TAFA2: variants seen among roughly 807,000 people sequenced by gnomAD.
The protein encoded by TAFA2 is TAFA chemokine like family member 2, also known as chemokine-like protein TAFA-2.
Under a neutral mutation model 18.8 loss-of-function variants are expected in TAFA2, and 7 were observed. The observed-to-expected ratio is 0.37, with a 90% confidence interval of 0.21 to 0.70. The LOEUF (loss-of-function observed/expected upper bound fraction) is 0.70, where lower values mean the gene tolerates loss of function less well. Ranked by LOEUF, TAFA2 falls within the 30% of genes least tolerant of loss-of-function variation. TAFA2 has a pLI of 0.53. For missense variants in TAFA2, 122 were observed against 158.1 expected, an observed-to-expected ratio of 0.77 and a Z score of 1.23; for synonymous variants, 60 against 54.2, an observed-to-expected ratio of 1.11 and a Z score of -0.47.
chr12:61,746,169 C>G (rs1311685994), intron 4 of TAFA2, among the ~76,000 whole-genome samples: 2 of 152,058 alleles, frequency 1.3e-5, no homozygotes, highest in African/African-American at 4.8e-5. Context: ...CCATGCTGTT[C>G]TCATGATAGT....
intron 1 of TAFA2, among the ~76,000 whole-genome samples, chr12:61,875,613 T>C (rs1179624247): frequency 6.6e-6 from 1 of 152,146 alleles, no homozygotes; most frequent in Non-Finnish European, 1.5e-5. Flanking sequence ...TGCAATTTAA[T>C]ATGAAATGTA....
chr12:61,716,051 T>C (rs545698764), intron 4 of TAFA2, among the ~76,000 whole-genome samples: 3 of 152,328 alleles, frequency 2.0e-5, no homozygotes, highest in Admixed American at 2.0e-4. Flanking sequence ...TATTAGCATC[T>C]GCATCATAGA....
At chr12:61,955,674 A>G (rs1221073096) in intron 1 of TAFA2, among the ~76,000 whole-genome samples, 1 of 122,758 alleles carries the variant, frequency 8.1e-6, no homozygotes, top group Non-Finnish European at 1.6e-5. Flanking sequence ...TATATATTTA[A>G]TTTTAAAAAT....
chr12:62,095,416 G>A (rs933377293), intron 1 of TAFA2, among the ~76,000 whole-genome samples: 3 of 152,114 alleles, frequency 2.0e-5, no homozygotes, highest in African/African-American at 7.2e-5. Flanking sequence ...TGGGTGGTTA[G>A]GAAAGGTCTA....
intron 4 of TAFA2, among the ~76,000 whole-genome samples, chr12:61,746,532 T>C (rs78821021): frequency 0.02 from 3,056 of 152,184 alleles, 119 homozygotes; most frequent in African/African-American, 0.07. Flanking sequence ...CAAAGCCCTG[T>C]TGTGAAAAGG....
At chr12:62,099,408 T>C (rs1015389137) in intron 1 of TAFA2, among the ~76,000 whole-genome samples, 2 of 152,038 alleles carry the variant, frequency 1.3e-5, no homozygotes, top group African/African-American at 4.8e-5. Context: ...TAATAGAGAG[T>C]TATAACGCTC....
chr12:62,167,836 T>C (rs1025782989), intron 1 of TAFA2, among the ~76,000 whole-genome samples: 9 of 152,176 alleles, frequency 5.9e-5, no homozygotes, highest in African/African-American at 1.9e-4. Context: ...CATCTTGTCA[T>C]ATTAAAAATC....
At chr12:61,748,531 A>T (rs1362037635) in intron 4 of TAFA2, among the ~76,000 whole-genome samples, 1 of 152,092 alleles carries the variant, frequency 6.6e-6, no homozygotes, top group Non-Finnish European at 1.5e-5. Flanking sequence ...AAGGAAATGA[A>T]CTTTTTTCCT....
chr12:62,208,107 A>G (rs953107816), intron 1 of TAFA2, among the ~76,000 whole-genome samples: 1 of 152,086 alleles, frequency 6.6e-6, no homozygotes. Context: ...TAACCTTTTT[A>G]TCTAGTAGTT....
At chr12:61,737,174 A>T (rs1411468447) in intron 4 of TAFA2, among the ~76,000 whole-genome samples, 1 of 151,952 alleles carries the variant, frequency 6.6e-6, no homozygotes, top group Non-Finnish European at 1.5e-5. Flanking sequence ...ATTTTAAAAC[A>T]CTGCAATATT....
At chr12:62,037,417 CT>C (rs962528230) in intron 1 of TAFA2, among the ~76,000 whole-genome samples, 2 of 152,228 alleles carry the variant, frequency 1.3e-5, no homozygotes, top group African/African-American at 2.4e-5. Flanking sequence ...AAATTGCTCT[CT>C]CTTGAGTTCT....
chr12:62,088,923 T>C (rs1868585883), intron 1 of TAFA2, among the ~76,000 whole-genome samples: 1 of 152,000 alleles, frequency 6.6e-6, no homozygotes, highest in African/African-American at 2.4e-5. Context: ...TGTGTGTGTG[T>C]GTGTGCACGC....
intron 1 of TAFA2, among the ~76,000 whole-genome samples, chr12:62,152,813 T>C (rs2062337825): frequency 6.6e-6 from 1 of 152,204 alleles, no homozygotes; most frequent in Admixed American, 6.5e-5. Flanking sequence ...GAGCCAGTTC[T>C]CCAGAAAATA....
At chr12:61,889,870 A>G (rs1875550988) in intron 1 of TAFA2, among the ~76,000 whole-genome samples, 1 of 152,184 alleles carries the variant, frequency 6.6e-6, no homozygotes, top group South Asian at 2.1e-4. Flanking sequence ...ACATAGAAAA[A>G]TTATCCACTT....
intron 1 of TAFA2, among the ~76,000 whole-genome samples, chr12:62,119,252 A>G (rs1265017484): frequency 6.6e-6 from 1 of 152,158 alleles, no homozygotes; most frequent in Non-Finnish European, 1.5e-5. Context: ...CTACTTACAT[A>G]AAATTCTAAT....
At chr12:61,911,272 T>C (rs976903879) in intron 1 of TAFA2, among the ~76,000 whole-genome samples, 1 of 152,176 alleles carries the variant, frequency 6.6e-6, no homozygotes, top group East Asian at 1.9e-4. Context: ...TACTCCTACC[T>C]TCCCTTCACC....
chr12:61,739,474 T>C (rs1372508088), intron 4 of TAFA2, among the ~76,000 whole-genome samples: 2 of 152,108 alleles, frequency 1.3e-5, no homozygotes, highest in Non-Finnish European at 2.9e-5. Context: ...TTAATCAACT[T>C]ATATAAACAA....
chr12:62,073,315 A>G (rs1592319109), intron 1 of TAFA2, among the ~76,000 whole-genome samples: 1 of 152,220 alleles, frequency 6.6e-6, no homozygotes, highest in East Asian at 1.9e-4. Flanking sequence ...CTTTGCATTA[A>G]GCCTTTGAGG....
chr12:62,250,974 T>C (rs946195948), intron 1 of TAFA2, among the ~76,000 whole-genome samples: 2 of 152,168 alleles, frequency 1.3e-5, no homozygotes, highest in Non-Finnish European at 2.9e-5. Context: ...AATCTCCAGC[T>C]AACCCAAAAA....
Sources: allele counts gnomAD v4.1 joint callset (sites outside exome capture counted in the v4.1 genomes callset), GRCh38; gene constraint gnomAD v4.1.1; transcripts MANE v1.5; gene names NCBI Gene and HGNC (gene_info 2026-07-23, HGNC 2026-07-21).